The following CCDC88C variants were observed in gnomAD, a reference collection of about 807,000 sequenced individuals.
The protein encoded by CCDC88C is coiled-coil and HOOK domain protein 88C, also known as protein Daple.
CCDC88C carries 131 observed loss-of-function variants against 198.8 expected under a neutral mutation model. The ratio of observed to expected loss-of-function variants is 0.66; its 90% CI spans 0.57 to 0.76. The LOEUF (loss-of-function observed/expected upper bound fraction) is 0.76, where lower values mean the gene tolerates loss of function less well. Ranked by LOEUF, CCDC88C falls within the 30% of genes least tolerant of loss-of-function variation. The pLI is 0.00. For missense variants in CCDC88C, 2,553 were observed against 2,631.6 expected (o/e 0.97, Z 0.65); for synonymous variants, 1,166 against 1,114.7 (o/e 1.05, Z -0.92).
At chr14:91,289,442 T>TA (rs1890568076) in intron 24 of CCDC88C, 99 bp from the exon 25 acceptor site, 7 of 1,066,732 alleles carry the variant, frequency 6.6e-6, no homozygotes, top group Non-Finnish European at 1.0e-5. Context: ...TTCCCCAGTC[T>TA]GGGAAGCTAG....
In CCDC88C at chr14:91,315,797, C is replaced by A. The variant is rs958444980; in HGVS notation, c.1528-10G>T. 6 of 1,609,400 alleles carry A rather than the reference C, an allele frequency of 3.7e-6. No homozygotes were observed. The Admixed American group carries it at 1.0e-4, about 27-fold the overall frequency. ...TTTGTAACTTTTCAATCTGCAGAAC[C>A]AAAAGACCCAGCCCAGTGCAGACAT... On this transcript the variant is annotated splice_polypyrimidine_tract_variant and intron_variant, in intron 13 of 29. Coordinates refer to ENST00000389857, the MANE Select transcript of CCDC88C (RefSeq NM_001080414.4).
chr14:91,280,131 T>A (rs1278263402), intron 27 of CCDC88C, among the ~76,000 whole-genome samples: 1 of 152,152 alleles, frequency 6.6e-6, no homozygotes, highest in South Asian at 2.1e-4. Context: ...AGAGCAAACA[T>A]GTCTACGCTG....
Position 91,281,457 on chromosome 14 carries a change from C to T in CCDC88C, c.4699G>A (p.Val1567Met), listed in dbSNP as rs371709826. 30 of 1,613,774 alleles carry T rather than the reference C, an allele frequency of 1.9e-5. No individual in the cohort carries two copies. Among genetic ancestry groups the T allele is most frequent in the Middle Eastern group, 1.6e-4 (1 of 6,084 alleles). The change falls in exon 27 of 30, where the codon GTG becomes ATG. Residue 1567 changes from valine (V) to methionine (M), a missense_variant and splice_region_variant. Physicochemically the swap from Val to Met is conservative, Grantham distance 21. This residue lies in a region of CCDC88C where 1,293 missense variants were observed against 1,219.6 expected (regional missense o/e 1.06). Coordinates refer to ENST00000389857, the MANE Select transcript of CCDC88C (RefSeq NM_001080414.4). ...EFEVPNHRQYVSRPSSLESSR... is the reference protein window; with the variant it reads ...EFEVPNHRQYMSRPSSLESSR... ...AGGACACAGCACCCTCCCTACTCAC[C>T]GTACTGCCTGTGGTTGGGGACCTCA...
chr14:91,339,233 T>A lies in CCDC88C; in HGVS notation c.809+45A>T, dbSNP rs771985632. The A allele has an allele frequency of 6.2e-7, 1 of 1,604,006 alleles. No individual in the cohort carries two copies. Among genetic ancestry groups the A allele is most frequent in the Non-Finnish European group, 8.5e-7 (1 of 1,175,070 alleles). On this transcript the variant is annotated intron_variant, in intron 8 of 29. Transcript: ENST00000389857. This position sits in a 1 kb window ranked among gnomAD's most constrained non-coding sequence, Gnocchi z 5.8. ...GTGAGTCGACACCACACCAGAAACA[T>A]GTCTGCAACACACACAAAGGTAGGA...
chr14:91,357,497 C>A (rs1001507236), intron 4 of CCDC88C, among the ~76,000 whole-genome samples: 1 of 152,244 alleles, frequency 6.6e-6, no homozygotes, highest in African/African-American at 2.4e-5. Flanking sequence ...CGTTCAGTGC[C>A]AAGCACAGGG....
rs193292017 is a variant in CCDC88C at position 91,379,827 on chromosome 14, G to A, written c.271-20116C>T. 571 of 702,984 alleles carry A rather than the reference G, an allele frequency of 8.1e-4. 2 individuals are homozygous for A. Among genetic ancestry groups the A allele is most frequent in the African/African-American group, 2.8e-4 (16 of 57,374 alleles). 43.5% of individuals were successfully genotyped at this position (702,984 alleles called of 1,614,324 possible). The stretch of plus-strand genomic sequence containing the variant: ...CACTGGGTTTGTTTGAAGCCAATGC[G>A]AAAACTCAAACGCTGTGTCTGCCCG... On this transcript the variant is annotated intron_variant, in intron 3 of 29. Transcript: ENST00000389857.
intron 24 of CCDC88C, among the ~76,000 whole-genome samples, chr14:91,290,022 G>A (rs568998165): frequency 6.6e-6 from 1 of 152,280 alleles, no homozygotes; most frequent in South Asian, 2.1e-4. Flanking sequence ...TGTAACCCCA[G>A]CACTTTGGGA....
intron 4 of CCDC88C, among the ~76,000 whole-genome samples, chr14:91,358,180 C>T (rs1411334109): frequency 1.3e-5 from 2 of 152,220 alleles, no homozygotes; most frequent in Non-Finnish European, 2.9e-5. Context: ...GCTCTCCTAC[C>T]AGCTTTGTCC....
At chr14:91,390,679 G>A (rs1163097306) in intron 3 of CCDC88C, among the ~76,000 whole-genome samples, 1 of 152,188 alleles carries the variant, frequency 6.6e-6, no homozygotes, top group East Asian at 1.9e-4. Context: ...GTACACATGC[G>A]AAAAGCCAGT....
chr14:91,314,907 C>T (rs61988375), intron 14 of CCDC88C, among the ~76,000 whole-genome samples: 12,304 of 152,216 alleles, frequency 0.081, 609 homozygotes, highest in African/African-American at 0.14. Context: ...GAAGCTAAGA[C>T]GGGAGGATCA....
Position 91,339,795 on chromosome 14 carries a change from G to C in CCDC88C, c.624+89C>G. On this transcript the variant is annotated intron_variant, in intron 7 of 29. Coordinates refer to ENST00000389857, the MANE Select transcript of CCDC88C (RefSeq NM_001080414.4). This position sits in a 1 kb window ranked among gnomAD's most constrained non-coding sequence, Gnocchi z 5.8. ...CCACCAGAACCTCAGCAGCAGGACC[G>C]AGGCGTCTAGGCTGAAGATGAAGGG... is the stretch of plus-strand genomic sequence containing the variant. 2.1e-6 allele frequency: 3 copies of C among 1,401,060 alleles called. No individual in the cohort carries two copies. Among genetic ancestry groups the C allele is most frequent in the Middle Eastern group, 2.6e-4 (1 of 3,848 alleles). 86.8% of individuals were successfully genotyped at this position (1,401,060 alleles called of 1,614,324 possible).
chr14:91,301,549 C>G (rs1212922824), intron 20 of CCDC88C, among the ~76,000 whole-genome samples: 1 of 152,206 alleles, frequency 6.6e-6, no homozygotes, highest in Admixed American at 6.5e-5. Context: ...AACCCCATCT[C>G]TACTAAAAAA....
intron 10 of CCDC88C, among the ~76,000 whole-genome samples, chr14:91,326,643 G>A (rs1892597217): frequency 6.6e-6 from 1 of 152,214 alleles, no homozygotes; most frequent in Non-Finnish European, 1.5e-5. Flanking sequence ...GGACGGACAA[G>A]GGGACCCTGA....
In CCDC88C at chr14:91,331,609, C is replaced by T. The variant is rs753956776; in HGVS notation, c.1051-5553G>A. Among the ~76,000 whole-genome samples the T allele has an allele frequency of 5.6e-4, 85 of 152,282 alleles. 1 individual carries two copies. The Middle Eastern group carries it at 0.017, about 30-fold the overall frequency. On this transcript the variant is annotated intron_variant, in intron 10 of 29. Coordinates refer to ENST00000389857, the MANE Select transcript of CCDC88C (RefSeq NM_001080414.4). The stretch of plus-strand genomic sequence containing the variant: ...ATCATTAGCCCAGTTCCTCACTGGC[C>T]GGTGCTGGCCAACAACCCTTTCTGT...
At chr14:91,301,446 T>C (rs1891278679) in intron 20 of CCDC88C, among the ~76,000 whole-genome samples, 1 of 152,252 alleles carries the variant, frequency 6.6e-6, no homozygotes, top group African/African-American at 2.4e-5. Flanking sequence ...GTCAGCACGG[T>C]GGCTCACGCC....
intron 3 of CCDC88C, among the ~76,000 whole-genome samples, chr14:91,391,063 C>G (rs1472949605): frequency 6.6e-6 from 1 of 152,220 alleles, no homozygotes; most frequent in African/African-American, 2.4e-5. Flanking sequence ...CTAACACCCA[C>G]TGCCTTCAAC....
rs1567077518 is a variant in CCDC88C at position 91,325,770 on chromosome 14, C to T, written c.1197+140G>A. 1.2e-5 allele frequency: 9 copies of T among 749,472 alleles called. No individual in the cohort carries two copies. The highest frequency in any genetic ancestry group is 2.0e-5 in the South Asian group (1 of 51,056). 46.4% of individuals were successfully genotyped at this position (749,472 alleles called of 1,614,324 possible). ...TTTAGTTTTCGTAGAGATGGGGCCT[C>T]GCTAGGTTGCCAGGGTTAGAACTCC... On this transcript the variant is annotated intron_variant, in intron 11 of 29. Transcript: ENST00000389857. This position sits in a 1 kb window ranked among gnomAD's most constrained non-coding sequence, Gnocchi z 4.1.
At chr14:91,285,351 C>T (rs1346977414) in intron 25 of CCDC88C, 8 of 438,140 alleles carry the variant, frequency 1.8e-5, no homozygotes, top group Non-Finnish European at 2.8e-5. Context: ...AACATAAGCT[C>T]GCAGGTGCAA....
At chr14:91,356,971 C>T (rs150573869) in intron 4 of CCDC88C, among the ~76,000 whole-genome samples, 86 of 152,214 alleles carry the variant, frequency 5.6e-4, no homozygotes, top group Middle Eastern at 6.8e-3. Flanking sequence ...GAGAAGGATG[C>T]GTTTAATATT....
Sources: gnomAD v4.1 joint callset for allele counts (sites outside exome capture counted in the v4.1 genomes callset) on GRCh38, gnomAD v4.1.1 for gene constraint, gnomAD v4.1.1 regional missense constraint, Gnocchi (gnomAD v3.1) non-coding constraint, MANE v1.5 for transcripts, NCBI Gene and HGNC (gene_info 2026-07-23, HGNC 2026-07-21) for gene names.